The following STX8 variants were observed in gnomAD, a reference collection of about 807,000 sequenced individuals.
STX8 encodes syntaxin 8, also known as syntaxin-8.
Under a neutral mutation model 37.5 loss-of-function variants are expected in STX8, and 23 were observed. The ratio of observed to expected loss-of-function variants is 0.61; its 90% CI spans 0.44 to 0.87. The LOEUF is 0.87. STX8 is among the 40% of genes least tolerant of loss of function. The pLI is 0.00. For missense variants in STX8, 313 were observed against 284.7 expected, an observed-to-expected ratio of 1.10 and a Z score of -0.71; for synonymous variants, 115 against 99.1, an observed-to-expected ratio of 1.16 and a Z score of -0.95.
At chr17:9,505,205 A>C (rs1904779461) in intron 4 of STX8, 43 bp from the exon 5 acceptor site, 2 of 1,573,444 alleles carry the variant, frequency 1.3e-6, no homozygotes, top group Non-Finnish European at 1.7e-6. Flanking sequence ...CAAAACATGC[A>C]GCTCAAATGC....
At chr17:9,421,040 A>G (rs1225154277) in intron 6 of STX8, among the ~76,000 whole-genome samples, 1 of 152,100 alleles carries the variant, frequency 6.6e-6, no homozygotes, top group Non-Finnish European at 1.5e-5. Context: ...CGTTTCCCCA[A>G]CTTGAGTCCT....
intron 6 of STX8, among the ~76,000 whole-genome samples, chr17:9,387,726 G>A (rs1025836797): frequency 6.6e-6 from 1 of 152,194 alleles, no homozygotes; most frequent in Admixed American, 6.5e-5. Context: ...AATACAATCA[G>A]TATTGCGTGA....
chr17:9,386,930 C>T (rs1313344817), intron 6 of STX8, among the ~76,000 whole-genome samples: 4 of 152,096 alleles, frequency 2.6e-5, no homozygotes, highest in East Asian at 3.9e-4. Context: ...AGTGCAGTGG[C>T]GCGATCTCAG....
At chr17:9,571,642 G>T (rs924009526) in intron 1 of STX8, among the ~76,000 whole-genome samples, 1 of 148,932 alleles carries the variant, frequency 6.7e-6, no homozygotes, top group South Asian at 2.1e-4. Flanking sequence ...GGGCATAGGC[G>T]TAGTGGCTCA....
At chr17:9,537,103 C>T (rs1175906159) in intron 4 of STX8, among the ~76,000 whole-genome samples, 3 of 152,204 alleles carry the variant, frequency 2.0e-5, no homozygotes, top group African/African-American at 4.8e-5. Flanking sequence ...TCTTAGCCCA[C>T]CTTGCGTGGC....
chr17:9,421,261 G>A (rs910767348), intron 6 of STX8, among the ~76,000 whole-genome samples: 7 of 151,658 alleles, frequency 4.6e-5, no homozygotes, highest in Middle Eastern at 3.2e-3. Flanking sequence ...GCATGGTGGC[G>A]CATGCCTGTA....
At chr17:9,421,255 G>A (rs1219009533) in intron 6 of STX8, among the ~76,000 whole-genome samples, 1 of 151,850 alleles carries the variant, frequency 6.6e-6, no homozygotes. Flanking sequence ...AGCCGGGCAT[G>A]GTGGCGCATG....
At chr17:9,530,837 T>C (rs1337744811) in intron 4 of STX8, among the ~76,000 whole-genome samples, 1 of 152,226 alleles carries the variant, frequency 6.6e-6, no homozygotes, top group Non-Finnish European at 1.5e-5. Context: ...AACTTATCAC[T>C]TGTTTCCTTT....
chr17:9,536,828 C>T (rs1567601696), intron 4 of STX8, among the ~76,000 whole-genome samples: 1 of 151,680 alleles, frequency 6.6e-6, no homozygotes, highest in Non-Finnish European at 1.5e-5. Flanking sequence ...ACTGCAACCT[C>T]CACCTTCTGG....
intron 3 of STX8, among the ~76,000 whole-genome samples, chr17:9,556,711 C>T (rs1906976044): frequency 6.9e-6 from 1 of 144,674 alleles, no homozygotes. Flanking sequence ...GGATTATAGG[C>T]GTGAACCATT....
chr17:9,475,760 G>A (rs912501369), intron 6 of STX8, among the ~76,000 whole-genome samples: 2 of 151,412 alleles, frequency 1.3e-5, no homozygotes, highest in Non-Finnish European at 3.0e-5. Context: ...GAATCGGCTT[G>A]TGCCCTCTTT....
intron 7 of STX8, among the ~76,000 whole-genome samples, chr17:9,377,072 T>C (rs1911617835): frequency 6.6e-6 from 1 of 152,022 alleles, no homozygotes; most frequent in East Asian, 1.9e-4. Flanking sequence ...TTGCAGAGTC[T>C]CTATGTGCCT....
At chr17:9,526,628 T>C (rs1407804995) in intron 4 of STX8, among the ~76,000 whole-genome samples, 1 of 152,188 alleles carries the variant, frequency 6.6e-6, no homozygotes, top group African/African-American at 2.4e-5. Context: ...TCCCAGCACT[T>C]TGGGGGGCCG....
chr17:9,390,857 A>G (rs1912195111), intron 6 of STX8, among the ~76,000 whole-genome samples: 1 of 147,544 alleles, frequency 6.8e-6, no homozygotes, highest in Non-Finnish European at 1.5e-5. Flanking sequence ...AAAAAAAAAG[A>G]AGGGGGAGAT....
At chr17:9,378,958 A>G (rs1193101427) in intron 6 of STX8, among the ~76,000 whole-genome samples, 1 of 152,202 alleles carries the variant, frequency 6.6e-6, no homozygotes, top group Non-Finnish European at 1.5e-5. Context: ...ATAAAGGAAC[A>G]GACAGGCCAG....
At chr17:9,477,246 C>T (rs542046921) in intron 6 of STX8, among the ~76,000 whole-genome samples, 11 of 152,032 alleles carry the variant, frequency 7.2e-5, no homozygotes, top group South Asian at 2.1e-4. Flanking sequence ...CTCTGAAGAC[C>T]CTATCTCTAA....
At chr17:9,553,004 C>G (rs1266777952) in intron 3 of STX8, 1 of 152,112 alleles carries the variant, frequency 6.6e-6, no homozygotes, top group Admixed American at 6.6e-5. Context: ...TTTTTGACAT[C>G]AAACCCCTCT....
At chr17:9,456,993 G>A (rs538361837) in intron 6 of STX8, among the ~76,000 whole-genome samples, 1 of 152,262 alleles carries the variant, frequency 6.6e-6, no homozygotes, top group South Asian at 2.1e-4. Context: ...TAGGACAGCT[G>A]TGGCTGCAAG....
At chr17:9,369,771 T>C (rs565442282) in intron 7 of STX8, among the ~76,000 whole-genome samples, 30 of 149,604 alleles carry the variant, frequency 2.0e-4, no homozygotes, top group African/African-American at 5.7e-4. Context: ...CGAGTGCCTG[T>C]AGTCCCAGGT....
Sources: allele counts gnomAD v4.1 joint callset (sites outside exome capture counted in the v4.1 genomes callset), GRCh38; gene constraint gnomAD v4.1.1; transcripts MANE v1.5; gene names NCBI Gene and HGNC (gene_info 2026-07-23, HGNC 2026-07-21).